NDST1: variants seen among roughly 807,000 people sequenced by gnomAD.
NDST1 encodes the protein N-deacetylase and N-sulfotransferase 1, also known as bifunctional heparan sulfate N-deacetylase/N-sulfotransferase 1.
Under a neutral mutation model 92.8 loss-of-function variants are expected in NDST1, and 35 were observed. The observed-to-expected ratio is 0.38, with a 90% CI of 0.29 to 0.50. The LOEUF is 0.50. NDST1 is among the 20% of genes least tolerant of loss of function. NDST1 has a pLI of 0.94. For synonymous variants in NDST1, 493 were observed against 500.3 expected (o/e 0.99, Z 0.19); for missense variants, 822 against 1,182.7 (o/e 0.69, Z 4.47).
intron 6 of NDST1, 65 bp from the exon 7 acceptor site, chr5:150,539,163 A>G (rs1265893345): frequency 7.4e-7 from 1 of 1,348,114 alleles, no homozygotes; most frequent in Non-Finnish European, 1.1e-6. Context: ...TCCTCTGAGG[A>G]AGAGTCCTCC....
chr5:150,552,005 G>A (rs1755745427), intron 14 of NDST1, 150 bp downstream of exon 14: 1 of 1,339,720 alleles, frequency 7.5e-7, no homozygotes, highest in Non-Finnish European at 1.0e-6. Context: ...GAGGAAAATG[G>A]GGGCTGGGAC....
chr5:150,545,519 G>T, intron 11 of NDST1, 33 bp downstream of exon 11: 1 of 1,610,508 alleles, frequency 6.2e-7, no homozygotes, highest in South Asian at 1.1e-5. Flanking sequence ...CCCTGTGTCG[G>T]GAACACAGGG....
chr5:150,549,213 T>C (rs909323778), intron 12 of NDST1, among the ~76,000 whole-genome samples: 4 of 152,256 alleles, frequency 2.6e-5, no homozygotes, highest in Admixed American at 2.0e-4. Context: ...GATTTCACCA[T>C]GTTGGCCAGG....
chr5:150,541,736 GC>G, intron 9 of NDST1, 70 bp downstream of exon 9: 1 of 1,415,494 alleles, frequency 7.1e-7, no homozygotes, highest in Non-Finnish European at 9.9e-7. Context: ...TCTGAGGACT[GC>G]CTTGCCCTGG....
At chr5:150,516,950 G>A (rs1389957112) in intron 1 of NDST1, among the ~76,000 whole-genome samples, 1 of 151,552 alleles carries the variant, frequency 6.6e-6, no homozygotes, top group African/African-American at 2.4e-5. Context: ...ACAGGCGTGA[G>A]CCACCACACC....
intron 1 of NDST1, among the ~76,000 whole-genome samples, chr5:150,509,847 C>T (rs1031737980): frequency 6.6e-6 from 1 of 152,146 alleles, no homozygotes; most frequent in African/African-American, 2.4e-5. Context: ...CTGATGGGGG[C>T]GTGAGGACCC....
rs533662335 is a variant in NDST1 at position 150,521,090 on chromosome 5, A to G, written c.-165A>G. The G allele has an allele frequency of 3.1e-6, 2 of 641,678 alleles. No individual in the cohort carries two copies. Among genetic ancestry groups the G allele is most frequent in the Non-Finnish European group, 5.4e-6 (2 of 373,058 alleles). The allele number at this position is 641,678 out of a possible 1,614,324, so 39.7% of individuals were successfully genotyped here. On this transcript the variant is annotated 5_prime_UTR_variant, in exon 2 of 15. Coordinates refer to ENST00000261797, the MANE Select transcript of NDST1 (RefSeq NM_001543.5). The surrounding 1 kb of genome is among the most constrained non-coding windows in gnomAD (Gnocchi z 5.9). ...ACTGCGCCCCTGGCTGGGAGGAAGG[A>G]CTGGGGGCCCAGATCCTCCACTCCC...
Position 150,556,217 on chromosome 5 carries a change from A to G in NDST1, c.*2885A>G, listed in dbSNP as rs948970253. On this transcript the variant is annotated 3_prime_UTR_variant, in exon 15 of 15. Coordinates refer to ENST00000261797, the MANE Select transcript of NDST1 (RefSeq NM_001543.5). Reference sequence around the variant, plus strand: ...CATCGTCTATTCTGTGGTCCCCTCCATGAGCCTTTGCCCCAGGGTGGGTGC... The same window carrying G: ...CATCGTCTATTCTGTGGTCCCCTCCGTGAGCCTTTGCCCCAGGGTGGGTGC... 2 of 152,284 alleles carry G rather than the reference A, an allele frequency of 1.3e-5. No individual in the cohort carries two copies. The highest frequency in any genetic ancestry group is 2.9e-5 in the Non-Finnish European group (2 of 68,086). 9.4% of individuals were successfully genotyped at this position (152,284 alleles called of 1,614,324 possible).
At position 150,521,020 on chromosome 5, in the gene NDST1, A is replaced by G. The variant is rs1346361687; in HGVS notation, c.-235A>G. ...GACCACGCGGGGGTTTGCCATGGTGACATAAAGGGGCGCGGAGGAAGGAAG... is the reference window on the plus strand; with the variant it reads ...GACCACGCGGGGGTTTGCCATGGTGGCATAAAGGGGCGCGGAGGAAGGAAG... On this transcript the variant is annotated 5_prime_UTR_variant, in exon 2 of 15. Coordinates refer to ENST00000261797, the MANE Select transcript of NDST1 (RefSeq NM_001543.5). The surrounding 1 kb of genome is among the most constrained non-coding windows in gnomAD (Gnocchi z 5.9). 3.3e-6 allele frequency: 2 copies of G among 597,134 alleles called. No individual in the cohort carries two copies. The highest frequency in any genetic ancestry group is 6.0e-6 in the Non-Finnish European group (2 of 335,628). 37.0% of individuals were successfully genotyped at this position (597,134 alleles called of 1,614,324 possible). A position where few individuals can be genotyped will look rare whatever the true frequency, so the allele number is the denominator to read the frequency against.
At chr5:150,548,503 G>GGGCAT in intron 12 of NDST1, 115 bp downstream of exon 12, 4 of 1,133,362 alleles carry the variant, frequency 3.5e-6, no homozygotes, top group Non-Finnish European at 5.1e-6. Flanking sequence ...CCTCCTTGGA[G>GGGCAT]AGCTAGACCC....
intron 4 of NDST1, among the ~76,000 whole-genome samples, chr5:150,533,302 T>A (rs1415227254): frequency 6.6e-6 from 1 of 152,246 alleles, no homozygotes; most frequent in Non-Finnish European, 1.5e-5. Context: ...GGGCATCTTC[T>A]CCCTCTTGCC....
intron 5 of NDST1, 125 bp downstream of exon 5, chr5:150,535,146 G>A (rs1453857781): frequency 7.1e-7 from 1 of 1,415,556 alleles, no homozygotes; most frequent in East Asian, 2.5e-5. Context: ...CTCTGGGCCA[G>A]GGCCAAGGGA....
intron 6 of NDST1, among the ~76,000 whole-genome samples, chr5:150,536,334 T>TAA (rs989991312): frequency 6.8e-6 from 1 of 147,652 alleles, no homozygotes. Flanking sequence ...AAAAAAGTAC[T>TAA]AAAAAAAAAA....
intron 1 of NDST1, among the ~76,000 whole-genome samples, chr5:150,502,448 G>C (rs1753276545): frequency 6.6e-6 from 1 of 152,124 alleles, no homozygotes; most frequent in Non-Finnish European, 1.5e-5. Context: ...AGAAGGCTGT[G>C]GGACAAGCAG....
At chr5:150,524,040 T>C (rs574481713) in intron 2 of NDST1, among the ~76,000 whole-genome samples, 8 of 152,210 alleles carry the variant, frequency 5.3e-5, no homozygotes, top group Non-Finnish European at 1.2e-4. Context: ...GCTCCAGGGA[T>C]CTGAAAACTC....
chr5:150,520,897 C>T lies in NDST1; in HGVS notation c.-358C>T, dbSNP rs1341114036. On this transcript the variant is annotated 5_prime_UTR_variant, in exon 2 of 15. Coordinates refer to ENST00000261797, the MANE Select transcript of NDST1 (RefSeq NM_001543.5). ...AGCCCCGTGGGCCCCACGGAGTGAG[C>T]GGCATGCAGCACCCCCGGGCCTGTC... is the stretch of plus-strand genomic sequence containing the variant. 1.0e-5 allele frequency: 5 copies of T among 489,068 alleles called. No homozygotes were observed. The highest frequency in any genetic ancestry group is 3.7e-5 in the Admixed American group (1 of 26,930). The allele number at this position is 489,068 out of a possible 1,614,324, so 30.3% of individuals were successfully genotyped here.
At chr5:150,526,497 A>C (rs576086394) in intron 2 of NDST1, among the ~76,000 whole-genome samples, 2 of 152,330 alleles carry the variant, frequency 1.3e-5, no homozygotes, top group African/African-American at 4.8e-5. Flanking sequence ...CCTTTTAAAA[A>C]TCCAGTTCTG....
At chr5:150,515,228 C>CT (rs1554092627) in intron 1 of NDST1, among the ~76,000 whole-genome samples, 1 of 152,250 alleles carries the variant, frequency 6.6e-6, no homozygotes, top group Non-Finnish European at 1.5e-5. Context: ...GGCTGGCACT[C>CT]TAAGTGCCTC....
chr5:150,513,843 C>T (rs1476820913), intron 1 of NDST1, among the ~76,000 whole-genome samples: 1 of 152,256 alleles, frequency 6.6e-6, no homozygotes, highest in Non-Finnish European at 1.5e-5. Flanking sequence ...TCCGGGGCAG[C>T]ATTTTCAGGT....
Sources: allele counts gnomAD v4.1 joint callset (sites outside exome capture counted in the v4.1 genomes callset), GRCh38; gene constraint gnomAD v4.1.1; non-coding constraint Gnocchi (gnomAD v3.1); transcripts MANE v1.5; gene names NCBI Gene and HGNC (gene_info 2026-07-23, HGNC 2026-07-21).